VWA3B: variants seen among roughly 807,000 people sequenced by gnomAD.
VWA3B encodes von Willebrand factor A domain-containing protein 3B.
Under a neutral mutation model 158.3 loss-of-function variants are expected in VWA3B, and 138 were observed. The ratio of observed to expected loss-of-function variants is 0.87; its 90% confidence interval spans 0.76 to 1.00. The LOEUF is 1.00. Among genes scored for constraint, VWA3B ranks in the 50% least tolerant of loss-of-function variants. The pLI, the probability that VWA3B is intolerant of heterozygous loss-of-function variation, is 0.00. For missense variants in VWA3B, 1,555 were observed against 1,565.1 expected, an observed-to-expected ratio of 0.99 and a Z score of 0.11; for synonymous variants, 596 against 587.3, an observed-to-expected ratio of 1.01 and a Z score of -0.21.
chr2:98,209,626 GC>G (rs1683332227), intron 12 of VWA3B, among the ~76,000 whole-genome samples: 1 of 152,000 alleles, frequency 6.6e-6, no homozygotes, highest in South Asian at 2.1e-4. Flanking sequence ...TGCTTTTTAA[GC>G]CCCATACTCT....
At chr2:98,103,374 TTAAA>T (rs1683220018) in intron 2 of VWA3B, among the ~76,000 whole-genome samples, 1 of 152,140 alleles carries the variant, frequency 6.6e-6, no homozygotes, top group African/African-American at 2.4e-5. Flanking sequence ...AGATATAAAT[TTAAA>T]TAATTATTTT....
At chr2:98,163,925 G>A (rs889579966) in intron 8 of VWA3B, among the ~76,000 whole-genome samples, 1 of 152,202 alleles carries the variant, frequency 6.6e-6, no homozygotes, top group Non-Finnish European at 1.5e-5. Context: ...GAGCATAGAA[G>A]TGCAAAGGTT....
At chr2:98,215,887 AT>A (rs59756697) in intron 13 of VWA3B, among the ~76,000 whole-genome samples, 7,202 of 151,144 alleles carry the variant, frequency 0.048, 257 homozygotes, top group Middle Eastern at 0.082. Flanking sequence ...CACGTGGTCT[AT>A]TTTTTTTTCA....
At chr2:98,303,074 A>G (rs1416866357) in intron 25 of VWA3B, among the ~76,000 whole-genome samples, 1 of 152,196 alleles carries the variant, frequency 6.6e-6, no homozygotes, top group Non-Finnish European at 1.5e-5. Context: ...GTGTGGGACC[A>G]TTCTGGGGAT....
At chr2:98,213,970 T>C (rs950302079) in intron 13 of VWA3B, among the ~76,000 whole-genome samples, 1 of 152,054 alleles carries the variant, frequency 6.6e-6, no homozygotes, top group African/African-American at 2.4e-5. Flanking sequence ...GCAGGAGGAT[T>C]GCTTGAGCCC....
At chr2:98,281,704 G>T (rs897468107) in intron 22 of VWA3B, among the ~76,000 whole-genome samples, 27 of 152,072 alleles carry the variant, frequency 1.8e-4, no homozygotes, top group African/African-American at 3.4e-4. Context: ...TGAAAAGAGG[G>T]TCACACCATT....
At chr2:98,156,885 G>A (rs1470938170) in intron 7 of VWA3B, among the ~76,000 whole-genome samples, 10 of 151,952 alleles carry the variant, frequency 6.6e-5, no homozygotes, top group Admixed American at 6.6e-4. Context: ...GGTCTTTATG[G>A]TCTACTAGCC....
At chr2:98,277,932 T>C (rs1341985862) in intron 22 of VWA3B, among the ~76,000 whole-genome samples, 3 of 152,070 alleles carry the variant, frequency 2.0e-5, no homozygotes, top group African/African-American at 7.2e-5. Context: ...AGATAGTAAA[T>C]GAACCAATTG....
chr2:98,220,072 G>A (rs1471674119), intron 14 of VWA3B, among the ~76,000 whole-genome samples: 2 of 151,232 alleles, frequency 1.3e-5, no homozygotes, highest in South Asian at 2.1e-4. Context: ...GCTAAAGCGG[G>A]AGGATCACTT....
intron 7 of VWA3B, among the ~76,000 whole-genome samples, chr2:98,153,684 C>T (rs560757382): frequency 2.6e-5 from 4 of 152,300 alleles, no homozygotes; most frequent in South Asian, 4.1e-4. Context: ...TTACTGGCAG[C>T]GGGAGATTCT....
chr2:98,132,077 G>A (rs891728388), intron 6 of VWA3B, among the ~76,000 whole-genome samples: 3 of 152,194 alleles, frequency 2.0e-5, no homozygotes, highest in Non-Finnish European at 2.9e-5. Flanking sequence ...CACCTCTCTT[G>A]CTGTTCTCTG....
chr2:98,186,871 C>T (rs1681110752), intron 9 of VWA3B, among the ~76,000 whole-genome samples: 2 of 152,108 alleles, frequency 1.3e-5, no homozygotes, highest in South Asian at 4.1e-4. Context: ...CTTTTTCACT[C>T]AGAGCAAAAG....
intron 7 of VWA3B, among the ~76,000 whole-genome samples, chr2:98,147,912 CATT>C (rs1558603121): frequency 6.8e-6 from 1 of 147,106 alleles, no homozygotes; most frequent in Non-Finnish European, 1.5e-5. Flanking sequence ...CAAGTGTTCT[CATT>C]GTTCAATTCC....
intron 1 of VWA3B, among the ~76,000 whole-genome samples, chr2:98,092,771 A>G (rs1682413236): frequency 6.8e-6 from 1 of 147,338 alleles, no homozygotes; most frequent in South Asian, 2.1e-4. Context: ...CCACACAGAG[A>G]AAACTACTCT....
At chr2:98,309,986 C>T (rs1209052868) in intron 26 of VWA3B, among the ~76,000 whole-genome samples, 4 of 152,114 alleles carry the variant, frequency 2.6e-5, no homozygotes, top group Non-Finnish European at 5.9e-5. Context: ...GTGGTGGTGC[C>T]CTAGGACATG....
At chr2:98,261,387 T>C (rs1687470130) in intron 21 of VWA3B, among the ~76,000 whole-genome samples, 1 of 151,804 alleles carries the variant, frequency 6.6e-6, no homozygotes, top group African/African-American at 2.4e-5. Flanking sequence ...GTAATTATTA[T>C]TTTACGCATT....
chr2:98,199,734 C>T (rs530555560), intron 12 of VWA3B, among the ~76,000 whole-genome samples: 1 of 152,102 alleles, frequency 6.6e-6, no homozygotes, highest in African/African-American at 2.4e-5. Context: ...AAGGCTGTTC[C>T]CTATATATAC....
the VWA3B span, among the ~76,000 whole-genome samples, chr2:98,323,700 A>G: frequency 1.3e-5 from 2 of 152,344 alleles, no homozygotes; most frequent in African/African-American, 4.8e-5. Context: ...TTACAGTCAG[A>G]GGAAGATTGA....
chr2:98,318,275 G>A (rs1332630417), downstream of VWA3B, among the ~76,000 whole-genome samples: 1 of 152,082 alleles, frequency 6.6e-6, no homozygotes, highest in African/African-American at 2.4e-5. Flanking sequence ...GTATGTGTAT[G>A]TTTATTTCAG....
Sources: gnomAD v4.1 joint callset for allele counts (sites outside exome capture counted in the v4.1 genomes callset) on GRCh38, gnomAD v4.1.1 for gene constraint, MANE v1.5 for transcripts, NCBI Gene and HGNC (gene_info 2026-07-23, HGNC 2026-07-21) for gene names.